The following NFIA variants were observed in gnomAD, a reference collection of about 807,000 sequenced individuals.
NFIA encodes the protein nuclear factor 1 A-type.
Under a neutral mutation model 62.8 loss-of-function variants are expected in NFIA, and 8 were observed. The ratio of observed to expected loss-of-function variants is 0.13; its 90% CI spans 0.07 to 0.23. The LOEUF is 0.23. Among genes scored for constraint, NFIA ranks in the 10% least tolerant of loss-of-function variants. The pLI, the probability that NFIA is intolerant of heterozygous loss-of-function variation, is 1.00. For missense variants in NFIA, 410 were observed against 642.1 expected, an observed-to-expected ratio of 0.64 and a Z score of 3.91; for synonymous variants, 235 against 238.1, an observed-to-expected ratio of 0.99 and a Z score of 0.12.
At chr1:61,080,123 G>C (rs1646078029), upstream of NFIA, among the ~76,000 whole-genome samples, 2 of 152,118 alleles carry the variant, frequency 1.3e-5, no homozygotes, top group Admixed American at 6.5e-5. Flanking sequence ...TGCCTAGAGG[G>C]CGCAAACAAT....
intron 2 of NFIA, among the ~76,000 whole-genome samples, chr1:61,260,762 A>G (rs545822804): frequency 6.6e-6 from 1 of 152,034 alleles, no homozygotes; most frequent in Admixed American, 6.5e-5. Flanking sequence ...TTGTATTTTT[A>G]GTAGAGACGG....
intron 2 of NFIA, among the ~76,000 whole-genome samples, chr1:61,262,653 C>G (rs182940682): frequency 1.3e-5 from 2 of 152,078 alleles, no homozygotes; most frequent in East Asian, 1.9e-4. Flanking sequence ...AAAAGGAAAT[C>G]ATTAAGTCAA....
intron 2 of NFIA, among the ~76,000 whole-genome samples, chr1:61,185,186 C>T (rs530876258): frequency 6.6e-6 from 1 of 152,240 alleles, no homozygotes; most frequent in East Asian, 1.9e-4. Context: ...GTTAATTACT[C>T]TTGTGACATT....
chr1:61,175,863 T>C (rs1238774189), intron 2 of NFIA, among the ~76,000 whole-genome samples: 1 of 152,174 alleles, frequency 6.6e-6, no homozygotes, highest in Non-Finnish European at 1.5e-5. Flanking sequence ...TGCCACAAAC[T>C]GTAATAGTCA....
At chr1:61,388,715 A>G (rs1017481717) in intron 7 of NFIA, among the ~76,000 whole-genome samples, 4 of 152,220 alleles carry the variant, frequency 2.6e-5, no homozygotes, top group African/African-American at 7.2e-5. Context: ...ATCTTTTGGT[A>G]TAATGTGTTC....
At chr1:61,309,579 T>A (rs1238183554) in intron 3 of NFIA, among the ~76,000 whole-genome samples, 1 of 151,822 alleles carries the variant, frequency 6.6e-6, no homozygotes, top group African/African-American at 2.4e-5. Flanking sequence ...TAAAAGCAAA[T>A]TCCAAAAGTA....
chr1:61,281,416 C>T (rs560434592), intron 3 of NFIA, among the ~76,000 whole-genome samples: 1 of 152,116 alleles, frequency 6.6e-6, no homozygotes, highest in Non-Finnish European at 1.5e-5. Flanking sequence ...TACGTATATT[C>T]AAGAGGTCCA....
intron 3 of NFIA, among the ~76,000 whole-genome samples, chr1:61,331,740 G>A (rs1332993325): frequency 1.3e-5 from 2 of 152,080 alleles, no homozygotes; most frequent in African/African-American, 4.8e-5. Context: ...TCATTTATAA[G>A]TTCTATGTTT....
chr1:61,430,480 G>GT (rs1185807101), intron 10 of NFIA, among the ~76,000 whole-genome samples: 1 of 152,158 alleles, frequency 6.6e-6, no homozygotes, highest in African/African-American at 2.4e-5. Context: ...TATATACGCT[G>GT]TTTGGTAGCC....
chr1:61,453,118 G>T (rs532749140), intron 10 of NFIA, among the ~76,000 whole-genome samples: 1 of 152,150 alleles, frequency 6.6e-6, no homozygotes, highest in African/African-American at 2.4e-5. Context: ...TGGAGTGGGG[G>T]TCTTGCTTGC....
At chr1:61,204,475 A>G (rs999240545) in intron 2 of NFIA, among the ~76,000 whole-genome samples, 4 of 152,120 alleles carry the variant, frequency 2.6e-5, no homozygotes, top group Middle Eastern at 3.2e-3. Flanking sequence ...AGGGACCTTT[A>G]TATTTTTTTA....
At chr1:61,082,027 T>A, upstream of NFIA, 1 of 1,549,038 alleles carries the variant, frequency 6.5e-7, no homozygotes, top group Admixed American at 2.0e-5. Context: ...CCTGGCAAAG[T>A]TGCCCAAGTC....
At chr1:61,256,391 G>A (rs564864345) in intron 2 of NFIA, among the ~76,000 whole-genome samples, 4 of 144,740 alleles carry the variant, frequency 2.8e-5, no homozygotes, top group Non-Finnish European at 4.5e-5. Context: ...AGCCAAGATC[G>A]CACCTCTGCA....
intron 3 of NFIA, among the ~76,000 whole-genome samples, chr1:61,293,282 C>A (rs1485531093): frequency 6.6e-6 from 1 of 152,100 alleles, no homozygotes; most frequent in Non-Finnish European, 1.5e-5. Context: ...CAAGATATTT[C>A]CCAATCAATG....
chr1:61,410,971 A>C (rs1186348881), intron 9 of NFIA, among the ~76,000 whole-genome samples: 1 of 152,130 alleles, frequency 6.6e-6, no homozygotes, highest in African/African-American at 2.4e-5. Flanking sequence ...CTTCTGTATT[A>C]TCAGCTTTTC....
intron 2 of NFIA, among the ~76,000 whole-genome samples, chr1:61,150,117 T>C (rs148796542): frequency 1.7e-3 from 264 of 152,324 alleles, no homozygotes; most frequent in African/African-American, 5.8e-3. Context: ...AAGCAAGACC[T>C]TTAAAAAATA....
intron 7 of NFIA, among the ~76,000 whole-genome samples, chr1:61,394,230 G>A (rs556466779): frequency 6.6e-6 from 1 of 152,318 alleles, no homozygotes; most frequent in Admixed American, 6.5e-5. Flanking sequence ...CTGGAGTGCA[G>A]TGGCACGATC....
intron 7 of NFIA, among the ~76,000 whole-genome samples, chr1:61,386,690 C>G (rs1330825944): frequency 6.6e-6 from 1 of 152,184 alleles, no homozygotes; most frequent in Non-Finnish European, 1.5e-5. Flanking sequence ...TTCACAGCCA[C>G]CTTTTACAAA....
At position 61,462,101 on chromosome 1, in the gene NFIA, C is replaced by T. The variant is rs1264079873; in HGVS notation, c.*6781C>T. 1 of 145,770 alleles carries T rather than the reference C, an allele frequency of 6.9e-6. No individual in the cohort carries two copies. The highest frequency in any genetic ancestry group is 2.6e-5 in the African/African-American group (1 of 38,846). The allele number at this position is 145,770 out of a possible 1,614,324, so 9.0% of individuals were successfully genotyped here. On this transcript the variant is annotated 3_prime_UTR_variant, in exon 11 of 11. Coordinates refer to ENST00000403491, the MANE Select transcript of NFIA (RefSeq NM_001134673.4). ...ACATTGCAACCGAAGGTCATAAGGC[C>T]GCTAGCTCCGCTGGGACAGAGGCTT...
Sources: allele counts gnomAD v4.1 joint callset (sites outside exome capture counted in the v4.1 genomes callset), GRCh38; gene constraint gnomAD v4.1.1; transcripts MANE v1.5; gene names NCBI Gene and HGNC (gene_info 2026-07-23, HGNC 2026-07-21).